The following TNFRSF12A variants were observed in gnomAD, a reference collection of about 807,000 sequenced individuals.
TNFRSF12A encodes the protein TNF receptor superfamily member 12A.
In TNFRSF12A, 13 loss-of-function variants were observed where a neutral mutation model predicts 15.5. The observed-to-expected ratio is 0.84, with a 90% CI of 0.54 to 1.33. TNFRSF12A has a LOEUF of 1.33. TNFRSF12A is among the 40% of genes most tolerant of loss of function. TNFRSF12A has a pLI of 0.00. For synonymous variants in TNFRSF12A, 89 were observed against 78.4 expected, an observed-to-expected ratio of 1.14 and a Z score of -0.71; for missense variants, 174 against 173.6, an observed-to-expected ratio of 1.00 and a Z score of -0.01.
rs759613525 is a variant in TNFRSF12A at position 3,021,787 on chromosome 16, C to G, written c.351C>G (p.Thr117=). ...REKFTTPIEE[T]GGEGCPAVAL... is the part of the protein sequence containing the mutation. ...ATCTTGCAGCCCCCATAGAGGAGAC[C>G]GGCGGAGAGGGCTGCCCAGCTGTGG... The change falls in exon 4 of 4, where the codon ACC becomes ACG. Residue 117 remains threonine (T), a synonymous_variant. Transcript: ENST00000326577. 1 of 1,613,066 alleles carries G rather than the reference C, an allele frequency of 6.2e-7. No homozygotes were observed. The highest frequency in any genetic ancestry group is 1.1e-5 in the South Asian group (1 of 90,910).
rs1210956433 is a variant in TNFRSF12A at position 3,021,945 on chromosome 16, G to C, written c.*119G>C. On this transcript the variant is annotated 3_prime_UTR_variant, in exon 4 of 4. Coordinates refer to ENST00000326577, the MANE Select transcript of TNFRSF12A (RefSeq NM_016639.3). Reference sequence around the variant, plus strand: ...GCTCCTCCAACCACAAGGGGGGTGGGGGGCGGTGAATCACCTCTGAGGCCT... The same window carrying C: ...GCTCCTCCAACCACAAGGGGGGTGGCGGGCGGTGAATCACCTCTGAGGCCT... The C allele has an allele frequency of 8.5e-7, 1 of 1,172,420 alleles. No individual in the cohort carries two copies. Among genetic ancestry groups the C allele is most frequent in the South Asian group, 1.4e-5 (1 of 69,662 alleles). The allele number at this position is 1,172,420 out of a possible 1,614,324, so 72.6% of individuals were successfully genotyped here.
Position 3,021,604 on chromosome 16 carries a change from G to T in TNFRSF12A, c.249G>T (p.Gly83=). The T allele has an allele frequency of 6.2e-7, 1 of 1,613,368 alleles. No individual in the cohort carries two copies. The highest frequency in any genetic ancestry group is 8.5e-7 in the Non-Finnish European group (1 of 1,179,912). The change falls in exon 3 of 4, where the codon GGG becomes GGT. Residue 83 remains glycine (G), a synonymous_variant. Coordinates refer to ENST00000326577, the MANE Select transcript of TNFRSF12A (RefSeq NM_016639.3). ...APFRLLWPIL[G]GALSLTFVLG... ...TCCGGCTGCTTTGGCCCATCCTTGG[G>T]GGCGCTCTGAGCCTGACCTTCGTGC...
Position 3,021,213 on chromosome 16 carries a change from A to T in TNFRSF12A, c.95-2A>T, listed in dbSNP as rs1262720342. The T allele has an allele frequency of 6.4e-7, 1 of 1,554,750 alleles. No homozygotes were observed. ...GCCTCTGACCCGAGGCCCCCTCCCCAGGCACCGCCCCCTGCTCCCGCGGCA... is the reference window on the plus strand; with the variant it reads ...GCCTCTGACCCGAGGCCCCCTCCCCTGGCACCGCCCCCTGCTCCCGCGGCA... On this transcript the variant is annotated splice_acceptor_variant, in intron 1 of 3. Coordinates refer to ENST00000326577, the MANE Select transcript of TNFRSF12A (RefSeq NM_016639.3). LOFTEE classifies it high-confidence loss of function.
intron 1 of TNFRSF12A, 192 bp from the exon 2 acceptor site, chr16:3,021,023 C>A (rs1022894582): frequency 8.4e-5 from 41 of 486,182 alleles, no homozygotes; most frequent in African/African-American, 7.3e-4. Flanking sequence ...CTGACCCCCC[C>A]CACCCCCAGC....
intron 1 of TNFRSF12A, chr16:3,020,801 C>G: frequency 2.5e-6 from 1 of 400,670 alleles, no homozygotes; most frequent in Non-Finnish European, 4.4e-6. Flanking sequence ...GGGGCACGCC[C>G]CCAGCCTGGT....
intron 1 of TNFRSF12A, chr16:3,020,926 G>T: frequency 4.2e-6 from 2 of 473,458 alleles, no homozygotes; most frequent in South Asian, 8.0e-5. Flanking sequence ...GGTGACTTCA[G>T]TGCCCAGCTA....
At chr16:3,021,140 C>G (rs1390386884) in intron 1 of TNFRSF12A, 75 bp from the exon 2 acceptor site, 1 of 761,328 alleles carries the variant, frequency 1.3e-6, no homozygotes, top group Non-Finnish European at 2.0e-6. Context: ...GTTATTCGAG[C>G]CGGCCGACCC....
intron 2 of TNFRSF12A, 118 bp downstream of exon 2, chr16:3,021,437 C>G: frequency 7.0e-7 from 1 of 1,420,350 alleles, no homozygotes. Context: ...GAGGTGGGAG[C>G]TGGGAGGGGG....
chr16:3,021,472 T>C (rs1407029242), intron 2 of TNFRSF12A, 83 bp from the exon 3 acceptor site: 4 of 1,454,918 alleles, frequency 2.7e-6, no homozygotes, highest in South Asian at 1.4e-5. Flanking sequence ...GAGGCCACGT[T>C]TGGGAGAAGG....
chr16:3,020,775 A>G (rs994521694), intron 1 of TNFRSF12A: 3 of 399,412 alleles, frequency 7.5e-6, no homozygotes, highest in Non-Finnish European at 1.3e-5. Flanking sequence ...TGAGGGCGGG[A>G]TGTTTAGTCT....
intron 1 of TNFRSF12A, 36 bp downstream of exon 1, chr16:3,020,527 G>T: frequency 7.9e-7 from 1 of 1,262,270 alleles, no homozygotes; most frequent in Non-Finnish European, 1.0e-6. Flanking sequence ...ACCCCGGGCC[G>T]GGGCTCGGGA....
Position 3,021,753 on chromosome 16 carries a change from C to G in TNFRSF12A, c.335-18C>G. The G allele has an allele frequency of 6.2e-7, 1 of 1,611,762 alleles. No individual in the cohort carries two copies. The highest frequency in any genetic ancestry group is 8.5e-7 in the Non-Finnish European group (1 of 1,178,564). On this transcript the variant is annotated intron_variant, in intron 3 of 3. Transcript: ENST00000326577. ...GACCTTTTCTCTGCTGCTGACGACC[C>G]CACCTCTTATCTTGCAGCCCCCATA...
rs1459696467 is a variant in TNFRSF12A, at chr16:3,022,288, C to T, written c.*462C>T. On this transcript the variant is annotated 3_prime_UTR_variant, in exon 4 of 4. Coordinates refer to ENST00000326577, the MANE Select transcript of TNFRSF12A (RefSeq NM_016639.3). Reference sequence around the variant, plus strand: ...AGGAGGGCTGGCCCTAAGATACAGACCCCCCCAACTCCCCAAAGCGGGGAG... The same window carrying T: ...AGGAGGGCTGGCCCTAAGATACAGATCCCCCCAACTCCCCAAAGCGGGGAG... 1.8e-5 allele frequency: 5 copies of T among 282,522 alleles called. No individual in the cohort carries two copies. The East Asian group carries it at 1.8e-4, about 10-fold the overall frequency. The allele number at this position is 282,522 out of a possible 1,614,324, so 17.5% of individuals were successfully genotyped here.
rs1394946269 is a variant in TNFRSF12A at position 3,021,220 on chromosome 16, GC to G, written c.105del (p.Cys36AlafsTer51). ...SVAGEQAPGT[A>X]PCSRGSSWSA... is the part of the protein sequence containing the mutation. ...ACCCGAGGCCCCCTCCCCAGGCACC[GC>G]CCCCTGCTCCCGCGGCAGCTCCTGG... On this transcript the variant is annotated frameshift_variant, in exon 2 of 4. Coordinates refer to ENST00000326577, the MANE Select transcript of TNFRSF12A (RefSeq NM_016639.3). LOFTEE classifies it high-confidence loss of function. 2 of 1,574,444 alleles carry G rather than the reference GC, an allele frequency of 1.3e-6. No homozygotes were observed. Among genetic ancestry groups the G allele is most frequent in the Admixed American group, 1.8e-5 (1 of 56,094 alleles).
intron 1 of TNFRSF12A, 26 bp from the exon 2 acceptor site, chr16:3,021,189 C>A: frequency 1.5e-6 from 2 of 1,320,142 alleles, no homozygotes; most frequent in Admixed American, 2.2e-5. Context: ...CCGCCCCCAG[C>A]CTCTGACCCG....
rs547713969 is a variant in TNFRSF12A, at chr16:3,020,394, C to A, written c.-4C>A. 1.5e-6 allele frequency: 2 copies of A among 1,291,588 alleles called. No homozygotes were observed. The highest frequency in any genetic ancestry group is 6.1e-5 in the Admixed American group (2 of 32,562). 80.0% of individuals were successfully genotyped at this position (1,291,588 alleles called of 1,614,324 possible). ...CAGACAGCGGCGGGCGCAGGACGTG[C>A]ACTATGGCTCGGGGCTCGCTGCGCC... On this transcript the variant is annotated 5_prime_UTR_variant, in exon 1 of 4. Transcript: ENST00000326577.
rs924938367 is a variant in TNFRSF12A, at chr16:3,022,135, G to A, written c.*309G>A. On this transcript the variant is annotated 3_prime_UTR_variant, in exon 4 of 4. Transcript: ENST00000326577. ...GGTGCCCTCCTTCCTAGAGGCCCTG[G>A]GGGCCAGGCTGACTTGGGGGGCAGA... is the stretch of plus-strand genomic sequence containing the variant. 6.8e-6 allele frequency: 3 copies of A among 438,580 alleles called. No homozygotes were observed. The highest frequency in any genetic ancestry group is 4.3e-5 in the Admixed American group (1 of 23,330). The allele number at this position is 438,580 out of a possible 1,614,324, so 27.2% of individuals were successfully genotyped here. A position where few individuals can be genotyped will look rare whatever the true frequency, so the allele number is the denominator to read the frequency against.
At position 3,021,309 on chromosome 16, in the gene TNFRSF12A, C is replaced by G. The variant is rs974737943; in HGVS notation, c.189C>G (p.Phe63Leu). Residue 63 changes from phenylalanine (F) to leucine (L), a missense_variant, in exon 2 of 4, where the codon TTC becomes TTG. Transcript: ENST00000326577. ...GCAGGGCGCGACCGCACAGCGACTT[C>G]TGCCTGGGCTGTGAGTGGGGGGCAG... ...ASCRARPHSD[F>L]CLGCAAAPPA... The G allele has an allele frequency of 6.3e-7, 1 of 1,579,518 alleles. No homozygotes were observed. Among genetic ancestry groups the G allele is most frequent in the Non-Finnish European group, 8.6e-7 (1 of 1,168,876 alleles).
chr16:3,020,632 C>T lies in TNFRSF12A; in HGVS notation c.94+141C>T, dbSNP rs2072601152. The T allele has an allele frequency of 1.2e-5, 6 of 489,762 alleles. No homozygotes were observed. The Admixed American group carries it at 2.2e-4, about 18-fold the overall frequency. The allele number at this position is 489,762 out of a possible 1,614,324, so 30.3% of individuals were successfully genotyped here. ...TGGCCTTCAAACAGCTCGCTCCCGG[C>T]TGTGGGAAGTTCCATCACTCTCCAA... On this transcript the variant is annotated intron_variant, in intron 1 of 3. Coordinates refer to ENST00000326577, the MANE Select transcript of TNFRSF12A (RefSeq NM_016639.3).
Sources: allele counts gnomAD v4.1 joint callset, GRCh38; gene constraint gnomAD v4.1.1; transcripts MANE v1.5; gene names NCBI Gene and HGNC (gene_info 2026-07-23, HGNC 2026-07-21).